ZHX3: variants seen among roughly 807,000 people sequenced by gnomAD.
ZHX3 encodes the protein zinc fingers and homeoboxes protein 3.
In ZHX3, 20 loss-of-function variants were observed where a neutral mutation model predicts 64.5. That is an observed-to-expected ratio of 0.31 (90% CI 0.22 to 0.45). The LOEUF (loss-of-function observed/expected upper bound fraction) is 0.45. Ranked by LOEUF, ZHX3 falls within the 20% of genes least tolerant of loss-of-function variation. The pLI, the probability that ZHX3 is intolerant of heterozygous loss-of-function variation, is 1.00. For synonymous variants in ZHX3, 423 were observed against 461.6 expected, an observed-to-expected ratio of 0.92 and a Z score of 1.07; for missense variants, 1,041 against 1,195.8, an observed-to-expected ratio of 0.87 and a Z score of 1.91.
Position 41,228,361 on chromosome 20 carries a change from G to T in ZHX3, c.-150-23295C>A, listed in dbSNP as rs1267416330. 6.6e-6 allele frequency among the ~76,000 whole-genome samples: 1 copy of T among 152,136 alleles called. No individual in the cohort carries two copies. Among genetic ancestry groups the T allele is most frequent in the African/African-American group, 2.4e-5 (1 of 41,412 alleles). On this transcript the variant is annotated intron_variant, in intron 2 of 3. Coordinates refer to ENST00000683867, the MANE Select transcript of ZHX3 (RefSeq NM_001384317.1). This position sits in a 1 kb window ranked among gnomAD's most constrained non-coding sequence, Gnocchi z 4.6. ...CAAGCAAATAAAAAATATAGCCTAG[G>T]TCTACTTCCTAAATCTTCATTTCAC...
At position 41,212,325 on chromosome 20, in the gene ZHX3, C is replaced by T. The variant is rs2146288461; in HGVS notation, c.-150-7259G>A. ...ATTAGGAAAACACAAATCAAAACCA[C>T]AATGAGATACCACTTCACACCCACC... On this transcript the variant is annotated intron_variant, in intron 2 of 3. Coordinates refer to ENST00000683867, the MANE Select transcript of ZHX3 (RefSeq NM_001384317.1). This position sits in a 1 kb window ranked among gnomAD's most constrained non-coding sequence, Gnocchi z 4.3. Among the ~76,000 whole-genome samples the T allele has an allele frequency of 6.6e-6, 1 of 152,220 alleles. No individual in the cohort carries two copies. Among genetic ancestry groups the T allele is most frequent in the African/African-American group, 2.4e-5 (1 of 41,540 alleles).
chr20:41,235,639 T>C (rs1246927509), intron 2 of ZHX3, among the ~76,000 whole-genome samples: 1 of 152,182 alleles, frequency 6.6e-6, no homozygotes, highest in East Asian at 1.9e-4. Flanking sequence ...GTAAGAGCTA[T>C]CTATGACAAA....
At chr20:41,304,596 T>G (rs989611041) in intron 1 of ZHX3, among the ~76,000 whole-genome samples, 1 of 152,240 alleles carries the variant, frequency 6.6e-6, no homozygotes, top group African/African-American at 2.4e-5. Flanking sequence ...TGAATGGATA[T>G]CTGTATGAAT....
At chr20:41,207,947 A>C (rs1442435480) in intron 2 of ZHX3, among the ~76,000 whole-genome samples, 2 of 152,224 alleles carry the variant, frequency 1.3e-5, no homozygotes, top group Non-Finnish European at 2.9e-5. Flanking sequence ...ACAGCTAGCA[A>C]GACTAATAAA....
At chr20:41,305,714 G>A (rs1367242001) in intron 1 of ZHX3, among the ~76,000 whole-genome samples, 1 of 151,932 alleles carries the variant, frequency 6.6e-6, no homozygotes, top group East Asian at 1.9e-4. Flanking sequence ...AACCCGGGAG[G>A]CGGAGCTTGC....
At chr20:41,191,873 C>T (rs972570980) in intron 3 of ZHX3, among the ~76,000 whole-genome samples, 1 of 152,190 alleles carries the variant, frequency 6.6e-6, no homozygotes, top group African/African-American at 2.4e-5. Flanking sequence ...ATTCTCCAGG[C>T]ACCAGTGGTA....
At chr20:41,303,387 A>G (rs999702850) in intron 1 of ZHX3, among the ~76,000 whole-genome samples, 3 of 152,226 alleles carry the variant, frequency 2.0e-5, no homozygotes, top group Non-Finnish European at 4.4e-5. Context: ...TATAACTTTT[A>G]TTCAAAACAC....
chr20:41,238,476 A>G (rs535590766), intron 2 of ZHX3, among the ~76,000 whole-genome samples: 49 of 152,316 alleles, frequency 3.2e-4, no homozygotes, highest in African/African-American at 1.1e-3. Context: ...TATCTAAGCA[A>G]GAGCTTCTTC....
chr20:41,295,628 G>C (rs1380179434), intron 1 of ZHX3, among the ~76,000 whole-genome samples: 1 of 152,052 alleles, frequency 6.6e-6, no homozygotes, highest in African/African-American at 2.4e-5. Flanking sequence ...GCACTTTGGG[G>C]AGGTCGAGGC....
rs1182871303 is a variant in ZHX3 at position 41,182,557 on chromosome 20, A to T, written c.*2634T>A. On this transcript the variant is annotated 3_prime_UTR_variant, in exon 4 of 4. Transcript: ENST00000683867. This position sits in a 1 kb window ranked among gnomAD's most constrained non-coding sequence, Gnocchi z 6.1. Reference sequence around the variant, plus strand: ...CCCCAAACCCTTGAGTACCTCCTACAATGTCCCTTTAAGCACCTGCGTGAT... The same window carrying T: ...CCCCAAACCCTTGAGTACCTCCTACTATGTCCCTTTAAGCACCTGCGTGAT... The T allele has an allele frequency of 6.6e-6, 1 of 152,132 alleles. No homozygotes were observed. The highest frequency in any genetic ancestry group is 6.6e-5 in the Admixed American group (1 of 15,264). The allele number at this position is 152,132 out of a possible 1,614,324, so 9.4% of individuals were successfully genotyped here.
At chr20:41,312,001 G>A (rs2045150974) in intron 1 of ZHX3, among the ~76,000 whole-genome samples, 1 of 152,148 alleles carries the variant, frequency 6.6e-6, no homozygotes, top group South Asian at 2.1e-4. Flanking sequence ...GTCTCTATTG[G>A]GGGAGTAGAC....
chr20:41,268,834 A>G (rs545943173), intron 2 of ZHX3, 156 bp downstream of exon 2: 1 of 152,266 alleles, frequency 6.6e-6, no homozygotes, highest in Admixed American at 6.5e-5. Context: ...AGACTTCAGC[A>G]ATAAAAAACA....
chr20:41,306,495 T>C (rs1401191137), intron 1 of ZHX3, among the ~76,000 whole-genome samples: 24 of 152,252 alleles, frequency 1.6e-4, no homozygotes, highest in Admixed American at 1.6e-3. Context: ...AAAGCTCTCA[T>C]GGCTTTCTGG....
chr20:41,260,166 T>C (rs1023758020), intron 2 of ZHX3, among the ~76,000 whole-genome samples: 1 of 149,164 alleles, frequency 6.7e-6, no homozygotes, highest in African/African-American at 2.5e-5. Flanking sequence ...AAAACATCTC[T>C]CTAAGCCAAA....
chr20:41,199,470 T>G (rs930093511), intron 3 of ZHX3, among the ~76,000 whole-genome samples: 1 of 152,120 alleles, frequency 6.6e-6, no homozygotes, highest in Non-Finnish European at 1.5e-5. Flanking sequence ...CTTTGCAGTA[T>G]GGGGTCAGTG....
At position 41,180,481 on chromosome 20, in the gene ZHX3, A is replaced by G. The variant is rs1027120792; in HGVS notation, c.*4710T>C. 1 of 152,004 alleles carries G rather than the reference A, an allele frequency of 6.6e-6. No individual in the cohort carries two copies. Among genetic ancestry groups the G allele is most frequent in the Non-Finnish European group, 1.5e-5 (1 of 67,974 alleles). The allele number at this position is 152,004 out of a possible 1,614,324, so 9.4% of individuals were successfully genotyped here. On this transcript the variant is annotated 3_prime_UTR_variant, in exon 4 of 4. Transcript: ENST00000683867. Reference sequence around the variant, plus strand: ...GGATGACTCTGCTGGATCTAGAGCTAAATAGAAACTTCTTTGCCATAGAAA... The same window carrying G: ...GGATGACTCTGCTGGATCTAGAGCTGAATAGAAACTTCTTTGCCATAGAAA...
Position 41,202,487 on chromosome 20 carries a change from G to A in ZHX3, c.2430C>T (p.Arg810=). The change falls in exon 3 of 4, where the codon CGC becomes CGT. Residue 810 remains arginine (R), a synonymous_variant. Transcript: ENST00000683867. The surrounding 1 kb of genome is among the most constrained non-coding windows in gnomAD (Gnocchi z 7.0). ...QTGLPRPEVV[R]WFGDSRYALK... The stretch of plus-strand genomic sequence containing the variant: ...GTGCGTACCTGCTATCTCCAAACCA[G>A]CGCACCACCTCTGGCCGTGGCAGAC... 3 of 1,614,192 alleles carry A rather than the reference G, an allele frequency of 1.9e-6. No homozygotes were observed. The highest frequency in any genetic ancestry group is 2.5e-6 in the Non-Finnish European group (3 of 1,180,046).
At chr20:41,266,844 CTTTTTTTTTTTTTTTT>C (rs11327834) in intron 2 of ZHX3, among the ~76,000 whole-genome samples, 1 of 76,436 alleles carries the variant, frequency 1.3e-5, no homozygotes, top group Non-Finnish European at 2.7e-5. Context: ...CGTGCCCGGC[CTTTTTTTTTTTTTTTT>C]TTTTTTTTTT....
Position 41,188,485 on chromosome 20 carries a change from C to T in ZHX3, c.2861-3284G>A, listed in dbSNP as rs1481979531. ...AATGCAGTGGCACAACCACGGCTCA[C>T]TGCAGTCTCAACCTCCTGGGCTCAA... On this transcript the variant is annotated intron_variant, in intron 3 of 3. Coordinates refer to ENST00000683867, the MANE Select transcript of ZHX3 (RefSeq NM_001384317.1). 2.7e-5 allele frequency: 4 copies of T among 145,646 alleles called. No homozygotes were observed. The Admixed American group carries it at 2.8e-4, about 10-fold the overall frequency. The allele number at this position is 145,646 out of a possible 1,614,324, so 9.0% of individuals were successfully genotyped here.
Sources: allele counts gnomAD v4.1 joint callset (sites outside exome capture counted in the v4.1 genomes callset), GRCh38; gene constraint gnomAD v4.1.1; non-coding constraint Gnocchi (gnomAD v3.1); transcripts MANE v1.5; gene names NCBI Gene and HGNC (gene_info 2026-07-23, HGNC 2026-07-21).